Variants in BCAS1 observed in about 807,000 individuals in gnomAD.
BCAS1 encodes brain enriched myelin associated protein 1.
Under a neutral mutation model 65.4 loss-of-function variants are expected in BCAS1, and 46 were observed. The ratio of observed to expected loss-of-function variants is 0.70; its 90% confidence interval spans 0.55 to 0.90. BCAS1 has a LOEUF of 0.90. Among genes scored for constraint, BCAS1 ranks in the 40% least tolerant of loss-of-function variants. BCAS1 has a pLI of 0.00. For missense variants in BCAS1, 793 were observed against 771.2 expected (o/e 1.03, Z -0.33); for synonymous variants, 298 against 293.5 (o/e 1.02, Z -0.16).
chr20:53,994,935 C>T (rs2090865367), intron 6 of BCAS1, 77 bp downstream of exon 6: 4 of 1,275,160 alleles, frequency 3.1e-6, no homozygotes, highest in Admixed American at 1.8e-5. Flanking sequence ...ATTCAAAAAA[C>T]AAGCAGGCAG....
chr20:53,981,056 A>G (rs1209221104), intron 8 of BCAS1, among the ~76,000 whole-genome samples: 2 of 152,244 alleles, frequency 1.3e-5, no homozygotes, highest in Non-Finnish European at 2.9e-5. Context: ...AAACTAGAAT[A>G]ACAGAGTTTC....
intron 7 of BCAS1, 31 bp from the exon 8 acceptor site, chr20:53,985,530 A>C (rs143761949): frequency 6.3e-7 from 1 of 1,597,424 alleles, no homozygotes; most frequent in Non-Finnish European, 8.6e-7. Flanking sequence ...GAGGGAAAAC[A>C]TTCAAAATGG....
At chr20:54,048,697 T>G (rs2092155978) in intron 3 of BCAS1, among the ~76,000 whole-genome samples, 2 of 152,230 alleles carry the variant, frequency 1.3e-5, no homozygotes. Context: ...CCAGACTTCT[T>G]GCTCAAATTA....
intron 4 of BCAS1, among the ~76,000 whole-genome samples, chr20:54,017,443 T>C (rs1441915183): frequency 6.6e-6 from 1 of 151,310 alleles, no homozygotes; most frequent in Non-Finnish European, 1.5e-5. Flanking sequence ...TTGCCCAGGC[T>C]GGAGTGCAGT....
intron 12 of BCAS1, among the ~76,000 whole-genome samples, chr20:53,951,129 T>A (rs538602597): frequency 1.3e-5 from 2 of 152,312 alleles, no homozygotes; most frequent in South Asian, 4.1e-4. Flanking sequence ...TGTAAATCAT[T>A]CCCTGGGTGG....
intron 3 of BCAS1, among the ~76,000 whole-genome samples, chr20:54,038,682 CT>C (rs2146187767): frequency 6.6e-6 from 1 of 151,482 alleles, no homozygotes; most frequent in East Asian, 1.9e-4. Context: ...AAAGCAGGAA[CT>C]ATCATTATAA....
chr20:54,003,226 C>CAAAAAAA (rs36065746), intron 4 of BCAS1, among the ~76,000 whole-genome samples: 122 of 98,556 alleles, frequency 1.2e-3, no homozygotes, highest in African/African-American at 1.5e-3. Context: ...GCCAAACAGA[C>CAAAAAAA]AAAAAAAAAA....
chr20:54,004,157 G>A (rs923501160), intron 4 of BCAS1, among the ~76,000 whole-genome samples: 1 of 152,144 alleles, frequency 6.6e-6, no homozygotes, highest in African/African-American at 2.4e-5. Context: ...TAGGTCATGG[G>A]GTGGAGCCCC....
intron 4 of BCAS1, among the ~76,000 whole-genome samples, chr20:53,997,333 G>A (rs993271077): frequency 6.6e-6 from 1 of 152,172 alleles, no homozygotes; most frequent in Non-Finnish European, 1.5e-5. Context: ...ATAGAATAGT[G>A]CTATCTGTAC....
chr20:53,961,741 A>G (rs2069048968), intron 10 of BCAS1, among the ~76,000 whole-genome samples: 1 of 152,136 alleles, frequency 6.6e-6, no homozygotes, highest in Non-Finnish European at 1.5e-5. Context: ...GCAATTACAC[A>G]TGAGTCAAAG....
intron 4 of BCAS1, among the ~76,000 whole-genome samples, chr20:54,012,451 T>C (rs1165737635): frequency 1.4e-5 from 2 of 146,612 alleles, no homozygotes; most frequent in South Asian, 2.2e-4. Context: ...TCTACAATAA[T>C]TTCAAAGTTA....
At chr20:53,995,742 T>C (rs2090890377) in intron 5 of BCAS1, 150 bp downstream of exon 5, 5 of 908,634 alleles carry the variant, frequency 5.5e-6, no homozygotes, top group Non-Finnish European at 7.7e-6. Flanking sequence ...AACTTTCTTA[T>C]GAAGCATATC....
chr20:54,021,513 T>G (rs1032173349), intron 4 of BCAS1, among the ~76,000 whole-genome samples: 1 of 151,374 alleles, frequency 6.6e-6, no homozygotes, highest in Non-Finnish European at 1.5e-5. Context: ...ATGTCTTTGC[T>G]ATTGTGAATA....
rs532846380 is a variant in BCAS1, at chr20:54,047,124, C to A, written c.142+10961G>T. ...GAATATTTGGGAACTGGCTGGGTACCTCTCTCTTGCCTCATGGCTTCTTCA... is the reference window on the plus strand; with the variant it reads ...GAATATTTGGGAACTGGCTGGGTACATCTCTCTTGCCTCATGGCTTCTTCA... On this transcript the variant is annotated intron_variant, in intron 3 of 12. Transcript: ENST00000688948. Among the ~76,000 whole-genome samples the A allele has an allele frequency of 4.5e-4, 69 of 152,326 alleles. 1 individual carries two copies. The highest frequency in any genetic ancestry group is 1.6e-3 in the African/African-American group (68 of 41,572).
chr20:54,041,611 G>C (rs1021714386), intron 3 of BCAS1, among the ~76,000 whole-genome samples: 3 of 152,024 alleles, frequency 2.0e-5, no homozygotes, highest in Non-Finnish European at 4.4e-5. Flanking sequence ...GGCTGGGTAC[G>C]GTGGCTTAAC....
At chr20:54,041,852 T>TTGTGCCAC (rs74179260) in intron 3 of BCAS1, among the ~76,000 whole-genome samples, 73,557 of 139,322 alleles carry the variant, frequency 0.53, 20,256 homozygotes, top group Non-Finnish European at 0.58. Flanking sequence ...TGAGCCGAGA[T>TTGTGCCAC]TGTGCCACTG....
intron 8 of BCAS1, among the ~76,000 whole-genome samples, chr20:53,984,641 C>T (rs930002145): frequency 6.6e-6 from 1 of 152,214 alleles, no homozygotes; most frequent in East Asian, 1.9e-4. Flanking sequence ...AAGCTCTGCA[C>T]ATGTGTAGCA....
intron 9 of BCAS1, among the ~76,000 whole-genome samples, chr20:53,972,966 G>A (rs1430518131): frequency 2.0e-5 from 3 of 152,206 alleles, no homozygotes; most frequent in Admixed American, 6.5e-5. Context: ...GGTGGCTCAC[G>A]CCTGTAATCC....
At chr20:53,973,694 G>A (rs1265168725) in intron 9 of BCAS1, among the ~76,000 whole-genome samples, 1 of 152,210 alleles carries the variant, frequency 6.6e-6, no homozygotes, top group Non-Finnish European at 1.5e-5. Context: ...CTTGTAGGTT[G>A]CGGGAATAGA....
Sources: allele counts gnomAD v4.1 joint callset (sites outside exome capture counted in the v4.1 genomes callset), GRCh38; gene constraint gnomAD v4.1.1; transcripts MANE v1.5; gene names NCBI Gene and HGNC (gene_info 2026-07-23, HGNC 2026-07-21).